The following CD2AP variants were observed in gnomAD, a reference collection of about 807,000 sequenced individuals.
CD2AP encodes the protein CD2-associated protein.
Under a neutral mutation model 85.1 loss-of-function variants are expected in CD2AP, and 46 were observed. The observed-to-expected ratio is 0.54, with a 90% CI of 0.43 to 0.69. CD2AP has a LOEUF of 0.69. Among genes scored for constraint, CD2AP ranks in the 30% least tolerant of loss-of-function variants. CD2AP has a pLI of 0.00. For missense variants in CD2AP, 769 were observed against 729.5 expected, an observed-to-expected ratio of 1.05 and a Z score of -0.62; for synonymous variants, 255 against 252.9, an observed-to-expected ratio of 1.01 and a Z score of -0.08.
chr6:47,537,843 A>G (rs930081849), intron 3 of CD2AP, among the ~76,000 whole-genome samples: 1 of 151,276 alleles, frequency 6.6e-6, no homozygotes, highest in Non-Finnish European at 1.5e-5. Flanking sequence ...GTTCATTGGC[A>G]CAATCTCAGC....
At chr6:47,521,380 C>G (rs1010436299) in intron 2 of CD2AP, among the ~76,000 whole-genome samples, 4 of 151,978 alleles carry the variant, frequency 2.6e-5, no homozygotes, top group African/African-American at 9.7e-5. Flanking sequence ...GGTGAAACCC[C>G]GTCTCTACTA....
chr6:47,588,643 G>A (rs975023572), intron 11 of CD2AP, among the ~76,000 whole-genome samples: 1 of 152,116 alleles, frequency 6.6e-6, no homozygotes, highest in African/African-American at 2.4e-5. Context: ...ATAATTGAAA[G>A]TCTAGAAGTA....
At chr6:47,562,459 T>A (rs901291447) in intron 5 of CD2AP, among the ~76,000 whole-genome samples, 27 of 152,170 alleles carry the variant, frequency 1.8e-4, no homozygotes, top group Non-Finnish European at 7.3e-5. Context: ...AATACCAGAC[T>A]TTTGGGTCAG....
At chr6:47,541,451 A>G (rs1016063044) in intron 3 of CD2AP, among the ~76,000 whole-genome samples, 2 of 152,094 alleles carry the variant, frequency 1.3e-5, no homozygotes, top group African/African-American at 4.8e-5. Flanking sequence ...TTCTTTTATT[A>G]TAAAAACTAC....
At chr6:47,599,213 C>A in intron 12 of CD2AP, 88 bp from the exon 13 acceptor site, 1 of 1,057,934 alleles carries the variant, frequency 9.5e-7, no homozygotes, top group Non-Finnish European at 1.5e-6. Context: ...GGTATTAGGC[C>A]ATACAATCTT....
At chr6:47,615,078 C>T (rs1769543074) in intron 17 of CD2AP, among the ~76,000 whole-genome samples, 1 of 152,158 alleles carries the variant, frequency 6.6e-6, no homozygotes, top group African/African-American at 2.4e-5. Flanking sequence ...ATACTCCCTT[C>T]TGTTTTTTAT....
At position 47,626,968 on chromosome 6, in the gene CD2AP, G is replaced by A. The variant is rs1769923941; in HGVS notation, c.*2741G>A. 6.6e-6 allele frequency: 1 copy of A among 152,198 alleles called. No homozygotes were observed. The highest frequency in any genetic ancestry group is 1.5e-5 in the Non-Finnish European group (1 of 67,850). 9.4% of individuals were successfully genotyped at this position (152,198 alleles called of 1,614,324 possible). On this transcript the variant is annotated 3_prime_UTR_variant, in exon 18 of 18. Coordinates refer to ENST00000359314, the MANE Select transcript of CD2AP (RefSeq NM_012120.3). ...TGGCTATAAAATTTTACCCTGACTT[G>A]CTTTCAATAACTGTTACGTAATGCA...
intron 1 of CD2AP, among the ~76,000 whole-genome samples, chr6:47,480,586 A>G (rs2113954511): frequency 6.6e-6 from 1 of 152,308 alleles, no homozygotes; most frequent in East Asian, 1.9e-4. Context: ...TCAGTTTCTC[A>G]ATCTATAAAT....
At chr6:47,613,205 T>A (rs1157618168) in intron 17 of CD2AP, among the ~76,000 whole-genome samples, 1 of 152,236 alleles carries the variant, frequency 6.6e-6, no homozygotes, top group East Asian at 1.9e-4. Flanking sequence ...ACATTTTGAC[T>A]TTCTCTTATG....
intron 14 of CD2AP, 48 bp from the exon 15 acceptor site, chr6:47,607,874 CCTTTT>C: frequency 8.3e-7 from 1 of 1,201,882 alleles, no homozygotes; most frequent in South Asian, 1.3e-5. Flanking sequence ...AGACTTACTA[CCTTTT>C]CTTTTCTTTG....
At position 47,477,945 on chromosome 6, in the gene CD2AP, CCAGGGTGGGA is replaced by C. The variant is rs1765343609; in HGVS notation, c.-299_-290del. The C allele has an allele frequency of 5.8e-6, 3 of 515,182 alleles. No homozygotes were observed. The East Asian group carries it at 1.1e-4, about 19-fold the overall frequency. The allele number at this position is 515,182 out of a possible 1,614,324, so 31.9% of individuals were successfully genotyped here. A position where few individuals can be genotyped will look rare whatever the true frequency, so the allele number is the denominator to read the frequency against. ...GGGTCCCTCCCCACTGCGGGAGCGG[CCAGGGTGGGA>C]AAACCGCGGTCGGGCGGGCGGGGTA... On this transcript the variant is annotated 5_prime_UTR_variant, in exon 1 of 18. Coordinates refer to ENST00000359314, the MANE Select transcript of CD2AP (RefSeq NM_012120.3).
intron 1 of CD2AP, among the ~76,000 whole-genome samples, chr6:47,482,357 G>T (rs1765466746): frequency 6.6e-6 from 1 of 151,228 alleles, no homozygotes; most frequent in Non-Finnish European, 1.5e-5. Flanking sequence ...AAATGAGCCG[G>T]AAGTTTGCTT....
At position 47,595,872 on chromosome 6, in the gene CD2AP, A is replaced by G. The variant is rs138727736; in HGVS notation, c.1120A>G (p.Thr374Ala). 8,846 of 1,612,002 alleles carry G rather than the reference A, an allele frequency of 5.5e-3. 48 individuals carry two copies. The highest frequency in any genetic ancestry group is 0.023 in the Middle Eastern group (139 of 6,044). ...LKPEEKDEKSTLEQKPSKPAA... is the reference protein window; with the variant it reads ...LKPEEKDEKSALEQKPSKPAA... ...ATTTTAAATCTTAGATGAAAAATCA[A>G]CACTGGAACAGAAACCTTCTAAACC... Residue 374 changes from threonine to alanine, a missense_variant, in exon 12 of 18, where the codon ACA (threonine) becomes GCA (alanine). Physicochemically the swap from Thr to Ala is moderately conservative, Grantham distance 58. Coordinates refer to ENST00000359314, the MANE Select transcript of CD2AP (RefSeq NM_012120.3).
chr6:47,610,535 A>G (rs1769400634), intron 16 of CD2AP, among the ~76,000 whole-genome samples: 1 of 152,166 alleles, frequency 6.6e-6, no homozygotes, highest in Non-Finnish European at 1.5e-5. Flanking sequence ...TGGCCTAAGA[A>G]TCTTATTAAA....
Position 47,626,697 on chromosome 6 carries a change from C to A in CD2AP, c.*2470C>A, listed in dbSNP as rs376709257. ...CAGGCCTTGTGTAACAGAAGATACT[C>A]TTTTTTATGCTCCTTACTGTGATCA... is the stretch of plus-strand genomic sequence containing the variant. On this transcript the variant is annotated 3_prime_UTR_variant, in exon 18 of 18. Coordinates refer to ENST00000359314, the MANE Select transcript of CD2AP (RefSeq NM_012120.3). 2.7e-4 allele frequency: 41 copies of A among 152,532 alleles called. No individual in the cohort carries two copies. Among genetic ancestry groups the A allele is most frequent in the African/African-American group, 9.9e-4 (41 of 41,546 alleles). 9.4% of individuals were successfully genotyped at this position (152,532 alleles called of 1,614,324 possible). A position where few individuals can be genotyped will look rare whatever the true frequency, so the allele number is the denominator to read the frequency against.
At chr6:47,520,863 C>T (rs1020343082) in intron 2 of CD2AP, among the ~76,000 whole-genome samples, 1 of 145,384 alleles carries the variant, frequency 6.9e-6, no homozygotes, top group Non-Finnish European at 1.5e-5. Context: ...GTGGGCTTTT[C>T]TTGAGTTTTG....
intron 5 of CD2AP, among the ~76,000 whole-genome samples, chr6:47,559,509 CT>C (rs1284375062): frequency 6.6e-6 from 1 of 151,868 alleles, no homozygotes; most frequent in African/African-American, 2.4e-5. Context: ...CAGTTGAAGC[CT>C]CCCAAAGTGC....
At chr6:47,492,177 A>G (rs1334051226) in intron 1 of CD2AP, among the ~76,000 whole-genome samples, 1 of 152,078 alleles carries the variant, frequency 6.6e-6, no homozygotes, top group East Asian at 1.9e-4. Flanking sequence ...TCAAGCTGCT[A>G]TGACAAAATA....
rs1561838525 is a variant in CD2AP at position 47,624,707 on chromosome 6, GTGTGTGTGTGTGTGTATATA to G, written c.*482_*501del. Reference sequence around the variant, plus strand: ...TGTGTGTGTGTGTGTGTGTGTGTGTGTGTGTGTGTGTGTGTATATATATATATATATTTTTACTTTTATCC... The same window carrying G: ...TGTGTGTGTGTGTGTGTGTGTGTGTGTATATATATATTTTTACTTTTATCC... On this transcript the variant is annotated 3_prime_UTR_variant, in exon 18 of 18. Coordinates refer to ENST00000359314, the MANE Select transcript of CD2AP (RefSeq NM_012120.3). The G allele has an allele frequency of 7.2e-6, 1 of 137,982 alleles. No homozygotes were observed. The highest frequency in any genetic ancestry group is 1.6e-5 in the Non-Finnish European group (1 of 61,988). The allele number at this position is 137,982 out of a possible 1,614,324, so 8.5% of individuals were successfully genotyped here. A position where few individuals can be genotyped will look rare whatever the true frequency, so the allele number is the denominator to read the frequency against.
Sources: allele counts gnomAD v4.1 joint callset (sites outside exome capture counted in the v4.1 genomes callset), GRCh38; gene constraint gnomAD v4.1.1; transcripts MANE v1.5; gene names NCBI Gene and HGNC (gene_info 2026-07-23, HGNC 2026-07-21).